Variants in HS6ST2 observed in about 807,000 individuals in gnomAD.
The protein encoded by HS6ST2 is heparan sulfate 6-O-sulfotransferase 2, also known as heparan-sulfate 6-O-sulfotransferase 2.
Under a neutral mutation model 33.0 loss-of-function variants are expected in HS6ST2, and 17 were observed. The observed-to-expected ratio is 0.52, with a 90% confidence interval of 0.35 to 0.77. The LOEUF is 0.77. Ranked by LOEUF, HS6ST2 falls within the 30% of genes least tolerant of loss-of-function variation. HS6ST2 has a pLI of 0.01. For missense variants in HS6ST2, 519 were observed against 551.7 expected (o/e 0.94, Z 0.59); for synonymous variants, 248 against 237.1 (o/e 1.05, Z -0.42).
At chrX:132,828,954 TATAAC>T (rs1343705021) in intron 2 of HS6ST2, among the ~76,000 whole-genome samples, 1 of 103,307 alleles carries the variant, frequency 9.7e-6, no homozygotes, top group African/African-American at 3.5e-5. Context: ...AACCTAGCAT[TATAAC>T]ATAAGAATTT....
intron 2 of HS6ST2, among the ~76,000 whole-genome samples, chrX:132,730,397 T>A (rs931251156): frequency 8.9e-6 from 1 of 112,123 alleles, no homozygotes; most frequent in African/African-American, 3.2e-5. Context: ...GGCAACAGGC[T>A]GCCCTCCCTC....
chrX:132,740,957 T>C (rs771468467), intron 2 of HS6ST2, among the ~76,000 whole-genome samples: 1 of 112,607 alleles, frequency 8.9e-6, no homozygotes, highest in Non-Finnish European at 1.9e-5. Context: ...GGAATGCATT[T>C]CTTCCTACTT....
chrX:132,638,194 A>G (rs1477092705), intron 4 of HS6ST2, among the ~76,000 whole-genome samples: 1 of 106,397 alleles, frequency 9.4e-6, no homozygotes, highest in East Asian at 3.0e-4. Context: ...ACTGGGTCAA[A>G]GCAAGGAGGA....
intron 2 of HS6ST2, among the ~76,000 whole-genome samples, chrX:132,912,296 G>A (rs1289925609): frequency 8.9e-6 from 1 of 112,566 alleles, no homozygotes; most frequent in Admixed American, 9.3e-5. Flanking sequence ...TTTGATGAAA[G>A]TCACCTGTTC....
At chrX:132,709,249 G>A (rs1158364428) in intron 2 of HS6ST2, among the ~76,000 whole-genome samples, 3 of 112,349 alleles carry the variant, frequency 2.7e-5, no homozygotes, top group Non-Finnish European at 5.6e-5. Flanking sequence ...GGGTTCAAAT[G>A]GGCTCAGTTA....
At chrX:132,685,263 C>T (rs944995170) in intron 3 of HS6ST2, among the ~76,000 whole-genome samples, 5 of 112,086 alleles carry the variant, frequency 4.5e-5, no homozygotes, top group Non-Finnish European at 7.5e-5. Context: ...CAATAATTCA[C>T]TCAGGGAATT....
intron 2 of HS6ST2, among the ~76,000 whole-genome samples, chrX:132,731,631 AG>A (rs1305440323): frequency 9.0e-6 from 1 of 111,520 alleles, no homozygotes; most frequent in Non-Finnish European, 1.9e-5. Context: ...GCGGATCACG[AG>A]GTCAGGAGAT....
intron 2 of HS6ST2, among the ~76,000 whole-genome samples, chrX:132,716,534 T>A (rs763051427): frequency 8.9e-6 from 1 of 112,394 alleles, no homozygotes; most frequent in Non-Finnish European, 1.9e-5. Context: ...ACAGGCTGAC[T>A]TCTTCAACTG....
At chrX:132,786,806 G>A in intron 2 of HS6ST2, among the ~76,000 whole-genome samples, 1 of 108,440 alleles carries the variant, frequency 9.2e-6, no homozygotes, top group South Asian at 4.1e-4. Context: ...ATTTTCAGTA[G>A]AGACGAGGTT....
Position 132,794,555 on chromosome X carries a change from G to GGATGATGATGAT in HS6ST2, c.948-86073_948-86062dup, listed in dbSNP as rs111313658. Among the ~76,000 whole-genome samples the GGATGATGATGAT allele has an allele frequency of 9.0e-3, 830 of 92,229 alleles. 15 individuals carry two copies. The highest frequency in any genetic ancestry group is 0.032 in the African/African-American group (764 of 23,569). 80.1% of individuals were successfully genotyped at this position (92,229 alleles called of 115,157 possible). ...ACTACAGGTGCATTTCACCACTCCT[G>GGATGATGATGAT]GATGATGATGATGATGATGATTATT... On this transcript the variant is annotated intron_variant, in intron 2 of 4. Coordinates refer to ENST00000370833, the MANE Select transcript of HS6ST2 (RefSeq NM_001394073.1).
intron 2 of HS6ST2, among the ~76,000 whole-genome samples, chrX:132,911,890 G>A (rs1274171188): frequency 3.6e-5 from 4 of 111,154 alleles, no homozygotes; most frequent in Non-Finnish European, 1.9e-5. Flanking sequence ...GCCTGTCTCG[G>A]CCTCCCAAAG....
In HS6ST2 at chrX:132,655,604, G is replaced by C. The variant is rs754109518; in HGVS notation, c.1067+13509C>G. Among the ~76,000 whole-genome samples the C allele has an allele frequency of 3.6e-5, 4 of 110,781 alleles. No individual in the cohort carries two copies. The East Asian group carries it at 1.1e-3, about 32-fold the overall frequency. ...AGTGTTTGGACATGGGTAGTTGAAG[G>C]ACACAGGTTATTCAAGATAGGTGCA... On this transcript the variant is annotated intron_variant, in intron 4 of 4. Coordinates refer to ENST00000370833, the MANE Select transcript of HS6ST2 (RefSeq NM_001394073.1).
Position 132,795,612 on chromosome X carries a change from C to CT in HS6ST2, c.948-87119dup, listed in dbSNP as rs1177351479. The stretch of plus-strand genomic sequence containing the variant: ...ACAAAGGCCTTGAAGTCACAGAGAC[C>CT]TTTTTTTTTATGAAACAGAGTTTCA... On this transcript the variant is annotated intron_variant, in intron 2 of 4. Coordinates refer to ENST00000370833, the MANE Select transcript of HS6ST2 (RefSeq NM_001394073.1). 4.1e-3 allele frequency among the ~76,000 whole-genome samples: 455 copies of CT among 110,061 alleles called. 1 individual carries two copies. Among genetic ancestry groups the CT allele is most frequent in the African/African-American group, 0.014 (420 of 30,277 alleles).
chrX:132,931,837 C>T (rs2066770574), intron 2 of HS6ST2, among the ~76,000 whole-genome samples: 2 of 111,433 alleles, frequency 1.8e-5, no homozygotes, highest in Admixed American at 9.5e-5. Flanking sequence ...GAAAAAGAAC[C>T]AGCAAAGAAG....
intron 2 of HS6ST2, among the ~76,000 whole-genome samples, chrX:132,915,722 T>C (rs1484467730): frequency 1.8e-5 from 2 of 110,383 alleles, no homozygotes; most frequent in Non-Finnish European, 3.8e-5. Flanking sequence ...AATGTTCTTA[T>C]CATTGGTAAC....
intron 3 of HS6ST2, among the ~76,000 whole-genome samples, chrX:132,690,570 G>C (rs2064055602): frequency 9.0e-6 from 1 of 111,117 alleles, no homozygotes; most frequent in Non-Finnish European, 1.9e-5. Context: ...CTTCTGTTTT[G>C]TCTCCACCCC....
intron 2 of HS6ST2, among the ~76,000 whole-genome samples, chrX:132,866,394 G>T (rs1409798501): frequency 1.0e-5 from 1 of 95,812 alleles, no homozygotes; most frequent in East Asian, 3.3e-4. Flanking sequence ...TTGTAGTATA[G>T]TTTGAAGTCA....
intron 2 of HS6ST2, among the ~76,000 whole-genome samples, chrX:132,841,532 C>A (rs916546750): frequency 1.8e-5 from 2 of 111,516 alleles, no homozygotes; most frequent in East Asian, 5.7e-4. Context: ...AAATGAGGAG[C>A]CTTCTTGCCA....
intron 3 of HS6ST2, among the ~76,000 whole-genome samples, chrX:132,676,009 T>G (rs1240271791): frequency 9.0e-6 from 1 of 111,065 alleles, no homozygotes. Flanking sequence ...TGGAGTTTAG[T>G]GTATTAGGCC....
Sources: gnomAD v4.1 joint callset for allele counts (sites outside exome capture counted in the v4.1 genomes callset) on GRCh38, gnomAD v4.1.1 for gene constraint, MANE v1.5 for transcripts, NCBI Gene and HGNC (gene_info 2026-07-23, HGNC 2026-07-21) for gene names.